The following CUX1 variants were observed in gnomAD, a reference collection of about 807,000 sequenced individuals.
CUX1 encodes protein CASP.
Under a neutral mutation model 158.8 loss-of-function variants are expected in CUX1, and 31 were observed. The ratio of observed to expected loss-of-function variants is 0.20; its 90% CI spans 0.15 to 0.26. CUX1 has a LOEUF of 0.26. Ranked by LOEUF, CUX1 falls within the 10% of genes least tolerant of loss-of-function variation. The pLI, the probability that CUX1 is intolerant of heterozygous loss-of-function variation, is 1.00. For missense variants in CUX1, 1,589 were observed against 2,014.6 expected (o/e 0.79, Z 4.04); for synonymous variants, 879 against 862.1 (o/e 1.02, Z -0.34).
At chr7:102,036,963 AGC>A (rs1563160457) in intron 3 of CUX1, among the ~76,000 whole-genome samples, 3 of 152,006 alleles carry the variant, frequency 2.0e-5, no homozygotes, top group African/African-American at 4.8e-5. Flanking sequence ...GGCTGAAGCA[AGC>A]AGTTCCCTTG....
At chr7:102,236,378 G>A (rs534428762) in intron 22 of CUX1, among the ~76,000 whole-genome samples, 260 of 152,346 alleles carry the variant, frequency 1.7e-3, no homozygotes, top group Middle Eastern at 0.014. Context: ...CCCAGGCAGC[G>A]CTGTAAGCTG....
At chr7:101,997,683 C>T (rs190301223) in intron 2 of CUX1, among the ~76,000 whole-genome samples, 24 of 152,250 alleles carry the variant, frequency 1.6e-4, no homozygotes, top group Non-Finnish European at 2.8e-4. Context: ...ACTTGTGTCC[C>T]GTGGCCTCAT....
chr7:102,083,258 A>G (rs1425190342), intron 4 of CUX1, among the ~76,000 whole-genome samples: 1 of 147,090 alleles, frequency 6.8e-6, no homozygotes. Context: ...ATATTTTTTC[A>G]TGTGCATTTT....
intron 1 of CUX1, among the ~76,000 whole-genome samples, chr7:101,854,107 G>T (rs1212826742): frequency 6.6e-6 from 1 of 152,170 alleles, no homozygotes; most frequent in Non-Finnish European, 1.5e-5. Flanking sequence ...TCTTTGTCAG[G>T]TGAGTTTATA....
chr7:101,862,587 A>G (rs1186483335), intron 1 of CUX1, among the ~76,000 whole-genome samples: 1 of 152,158 alleles, frequency 6.6e-6, no homozygotes, highest in Admixed American at 6.6e-5. Context: ...TGACTTGCCT[A>G]TAAAAAGGTG....
intron 2 of CUX1, among the ~76,000 whole-genome samples, chr7:102,015,368 C>T (rs1818467811): frequency 6.6e-6 from 1 of 152,078 alleles, no homozygotes; most frequent in Admixed American, 6.6e-5. Context: ...GCTTGGACTA[C>T]AGGCACACAC....
chr7:101,911,551 T>G (rs900052804), intron 1 of CUX1, among the ~76,000 whole-genome samples: 2 of 152,122 alleles, frequency 1.3e-5, no homozygotes, highest in Non-Finnish European at 2.9e-5. Flanking sequence ...GCCTTGACCT[T>G]GGCCCTCCAG....
At position 101,897,357 on chromosome 7, in the gene CUX1, T is replaced by C. The variant is rs189482457; in HGVS notation, c.31-18758T>C. On this transcript the variant is annotated intron_variant, in intron 1 of 23. Coordinates refer to ENST00000292535, the MANE Select transcript of CUX1 (RefSeq NM_181552.4). ...TCTACAGAAATTTTTAAAAAGTAGC[T>C]GGGCATGGTGGCATGCACCTGTCGT... 1.2e-3 allele frequency among the ~76,000 whole-genome samples: 190 copies of C among 152,218 alleles called. 1 individual carries two copies. Among genetic ancestry groups the C allele is most frequent in the African/African-American group, 4.2e-3 (174 of 41,540 alleles).
intron 8 of CUX1, among the ~76,000 whole-genome samples, chr7:102,116,359 T>C (rs1380544675): frequency 6.6e-6 from 1 of 152,150 alleles, no homozygotes; most frequent in African/African-American, 2.4e-5. Context: ...GTATGAAACT[T>C]ACAAAGACTA....
At chr7:102,235,718 A>G (rs1799485321) in intron 22 of CUX1, among the ~76,000 whole-genome samples, 1 of 150,640 alleles carries the variant, frequency 6.6e-6, no homozygotes. Flanking sequence ...AAAAAAAAAA[A>G]GAATGGGCAT....
chr7:102,277,704 C>A (rs1349346162), intron 17 of CUX1, among the ~76,000 whole-genome samples: 1 of 152,098 alleles, frequency 6.6e-6, no homozygotes, highest in Non-Finnish European at 1.5e-5. Context: ...TGGTGTTTGC[C>A]ATTACTTTTA....
At chr7:101,827,796 T>G (rs1403017041) in intron 1 of CUX1, among the ~76,000 whole-genome samples, 2 of 152,114 alleles carry the variant, frequency 1.3e-5, no homozygotes, top group Non-Finnish European at 2.9e-5. Flanking sequence ...GAGAATATAT[T>G]TACTAATCAG....
chr7:102,071,817 C>G (rs1321124302), intron 4 of CUX1, among the ~76,000 whole-genome samples: 1 of 152,200 alleles, frequency 6.6e-6, no homozygotes, highest in African/African-American at 2.4e-5. Flanking sequence ...GATGACATTC[C>G]TTTTCCTCTC....
intron 1 of CUX1, among the ~76,000 whole-genome samples, chr7:101,827,964 G>T (rs1356273680): frequency 6.9e-6 from 1 of 144,660 alleles, no homozygotes; most frequent in South Asian, 2.2e-4. Flanking sequence ...GGCCCAATTG[G>T]TATAACTTGT....
chr7:101,884,215 C>T (rs1288741913), intron 1 of CUX1, among the ~76,000 whole-genome samples: 9 of 152,154 alleles, frequency 5.9e-5, no homozygotes, highest in Admixed American at 5.9e-4. Flanking sequence ...ATTGTGGATA[C>T]ATAATAGTTG....
chr7:102,140,162 G>T (rs1249966484), intron 8 of CUX1, among the ~76,000 whole-genome samples: 1 of 152,180 alleles, frequency 6.6e-6, no homozygotes, highest in East Asian at 1.9e-4. Context: ...TCTAAGGCTT[G>T]GCTTTGAATA....
chr7:101,856,007 C>T (rs1194190070), intron 1 of CUX1, among the ~76,000 whole-genome samples: 2 of 151,434 alleles, frequency 1.3e-5, no homozygotes, highest in Non-Finnish European at 2.9e-5. Flanking sequence ...TAGCAAGAAC[C>T]CGTCTGTACA....
chr7:102,166,444 C>T (rs1473825351), intron 9 of CUX1, among the ~76,000 whole-genome samples: 7 of 152,146 alleles, frequency 4.6e-5, no homozygotes, highest in African/African-American at 1.7e-4. Context: ...CCGGCGGTGA[C>T]CACAGGGAAG....
chr7:101,923,952 A>G (rs1805282951), intron 2 of CUX1, among the ~76,000 whole-genome samples: 1 of 152,186 alleles, frequency 6.6e-6, no homozygotes, highest in African/African-American at 2.4e-5. Context: ...CCCGGGTAGC[A>G]GTTGTAAAAA....
Sources: allele counts gnomAD v4.1 joint callset (sites outside exome capture counted in the v4.1 genomes callset), GRCh38; gene constraint gnomAD v4.1.1; transcripts MANE v1.5; gene names NCBI Gene and HGNC (gene_info 2026-07-23, HGNC 2026-07-21).